SMOC2: variants seen among roughly 807,000 people sequenced by gnomAD.
SMOC2 encodes the protein SPARC related modular calcium binding 2.
A neutral mutation model predicts 61.4 loss-of-function variants in SMOC2; 39 were observed. That is an observed-to-expected ratio of 0.64 (90% CI 0.49 to 0.83). The LOEUF is 0.83. Among genes scored for constraint, SMOC2 ranks in the 40% least tolerant of loss-of-function variants. SMOC2 has a pLI of 0.00. For synonymous variants in SMOC2, 247 were observed against 239.9 expected, an observed-to-expected ratio of 1.03 and a Z score of -0.27; for missense variants, 556 against 592.9, an observed-to-expected ratio of 0.94 and a Z score of 0.65.
intron 2 of SMOC2, among the ~76,000 whole-genome samples, chr6:168,511,894 G>T (rs1783019151): frequency 6.9e-6 from 1 of 144,440 alleles, no homozygotes; most frequent in African/African-American, 2.5e-5. Context: ...CTACACAAAT[G>T]CCAGGTATGG....
intron 7 of SMOC2, among the ~76,000 whole-genome samples, chr6:168,587,950 C>A (rs1785080732): frequency 6.7e-6 from 1 of 148,390 alleles, no homozygotes; most frequent in Non-Finnish European, 1.5e-5. Context: ...AACAGAAATT[C>A]ATTTCTCATA....
At chr6:168,648,724 C>A (rs1018491095) in intron 9 of SMOC2, among the ~76,000 whole-genome samples, 3 of 152,182 alleles carry the variant, frequency 2.0e-5, no homozygotes, top group Admixed American at 1.3e-4. Context: ...ACTCTCAGAA[C>A]CCCCCTGGTG....
At chr6:168,552,840 C>T (rs1784159103) in intron 7 of SMOC2, among the ~76,000 whole-genome samples, 1 of 140,960 alleles carries the variant, frequency 7.1e-6, no homozygotes, top group East Asian at 2.2e-4. Context: ...CCCCCACCAG[C>T]CTGTTGCTCA....
intron 1 of SMOC2, among the ~76,000 whole-genome samples, chr6:168,476,591 T>C (rs2115018971): frequency 6.6e-6 from 1 of 152,140 alleles, no homozygotes; most frequent in Non-Finnish European, 1.5e-5. Context: ...TTTTCTATGG[T>C]TTTTACATGA....
chr6:168,590,254 G>T (rs1203218118), intron 7 of SMOC2, among the ~76,000 whole-genome samples: 1 of 58,978 alleles, frequency 1.7e-5, no homozygotes, highest in Non-Finnish European at 3.7e-5. Flanking sequence ...AGCCGGTCTG[G>T]TGGTGGTCAG....
intron 2 of SMOC2, among the ~76,000 whole-genome samples, chr6:168,526,050 T>C: frequency 6.6e-6 from 1 of 152,190 alleles, no homozygotes; most frequent in East Asian, 1.9e-4. Context: ...TCCCCAGGGA[T>C]AAGCTAGGAG....
At chr6:168,460,822 C>T (rs1041035247) in intron 1 of SMOC2, among the ~76,000 whole-genome samples, 44 of 152,246 alleles carry the variant, frequency 2.9e-4, no homozygotes, top group African/African-American at 1.1e-3. Context: ...CTTGTGAGAA[C>T]CAAAGATGCA....
chr6:168,464,683 C>G (rs1028044597), intron 1 of SMOC2, among the ~76,000 whole-genome samples: 1 of 152,136 alleles, frequency 6.6e-6, no homozygotes, highest in African/African-American at 2.4e-5. Flanking sequence ...TCATGTGCCA[C>G]AGCCTTTTAA....
At chr6:168,472,318 T>G (rs1781982901) in intron 1 of SMOC2, among the ~76,000 whole-genome samples, 1 of 151,042 alleles carries the variant, frequency 6.6e-6, no homozygotes, top group Non-Finnish European at 1.5e-5. Flanking sequence ...CTTCCCCCAG[T>G]GAATGGTCTT....
At chr6:168,533,581 C>A (rs1478950859) in intron 4 of SMOC2, among the ~76,000 whole-genome samples, 2 of 152,174 alleles carry the variant, frequency 1.3e-5, no homozygotes, top group Non-Finnish European at 2.9e-5. Flanking sequence ...CGTTTGGTCT[C>A]CAATGTCTCT....
chr6:168,660,193 C>T (rs561486765), intron 11 of SMOC2, among the ~76,000 whole-genome samples: 1 of 152,264 alleles, frequency 6.6e-6, no homozygotes, highest in South Asian at 2.1e-4. Context: ...CTCCAAGGAA[C>T]TGGCCCATGG....
At chr6:168,653,730 C>G (rs937604046) in intron 11 of SMOC2, among the ~76,000 whole-genome samples, 7 of 141,224 alleles carry the variant, frequency 5.0e-5, no homozygotes, top group African/African-American at 2.0e-4. Flanking sequence ...AACTCACCAC[C>G]CCTGTACCTG....
intron 7 of SMOC2, among the ~76,000 whole-genome samples, chr6:168,563,622 A>G (rs9456188): frequency 0.7 from 106,574 of 151,976 alleles, 38,054 homozygotes; most frequent in African/African-American, 0.84. Flanking sequence ...TTGTGAGGGC[A>G]ATGGGATTAG....
intron 9 of SMOC2, among the ~76,000 whole-genome samples, chr6:168,624,927 CCACA>C (rs1300593125): frequency 6.6e-6 from 1 of 151,574 alleles, no homozygotes; most frequent in South Asian, 2.1e-4. Context: ...ACACACATCC[CCACA>C]CACAGACACA....
At chr6:168,466,649 G>A (rs755286821) in intron 1 of SMOC2, among the ~76,000 whole-genome samples, 1 of 152,218 alleles carries the variant, frequency 6.6e-6, no homozygotes, top group African/African-American at 2.4e-5. Flanking sequence ...TTGTGCATGC[G>A]CTTTGTCTGG....
chr6:168,625,020 C>T (rs911533582), intron 9 of SMOC2, among the ~76,000 whole-genome samples: 1 of 152,196 alleles, frequency 6.6e-6, no homozygotes, highest in Non-Finnish European at 1.5e-5. Context: ...TGGAATGGGG[C>T]TCCAATTCCC....
chr6:168,659,621 A>T (rs76607166), intron 11 of SMOC2, among the ~76,000 whole-genome samples: 5 of 26,592 alleles, frequency 1.9e-4, no homozygotes, highest in South Asian at 1.7e-3. Flanking sequence ...TTGTAGGCTG[A>T]GTGAGGGTGG....
rs941864584 is a variant in SMOC2, at chr6:168,549,266, T to C, written c.637+63T>C. On this transcript the variant is annotated intron_variant, in intron 7 of 12. Transcript: ENST00000356284. Reference sequence around the variant, plus strand: ...TTAATAGATCTAGAAAATGATGGGGTTTTTTTTTGGAGTTAAGTGTATTGT... The same window carrying C: ...TTAATAGATCTAGAAAATGATGGGGCTTTTTTTTGGAGTTAAGTGTATTGT... The C allele has an allele frequency of 1.3e-5, 19 of 1,418,768 alleles. No homozygotes were observed. In the East Asian group the frequency reaches 1.9e-4, roughly 14 times the overall value. 87.9% of individuals were successfully genotyped at this position (1,418,768 alleles called of 1,614,324 possible).
At chr6:168,483,814 CAA>C (rs1248231483) in intron 1 of SMOC2, among the ~76,000 whole-genome samples, 3 of 152,084 alleles carry the variant, frequency 2.0e-5, no homozygotes, top group Non-Finnish European at 4.4e-5. Flanking sequence ...TGATTTTTGA[CAA>C]GAGTTCCAAG....
Sources: allele counts gnomAD v4.1 joint callset (sites outside exome capture counted in the v4.1 genomes callset), GRCh38; gene constraint gnomAD v4.1.1; transcripts MANE v1.5; gene names NCBI Gene and HGNC (gene_info 2026-07-23, HGNC 2026-07-21).